The following DPCD variants were observed in gnomAD, a reference collection of about 807,000 sequenced individuals.
DPCD encodes deleted in primary ciliary dyskinesia homolog (mouse).
Under a neutral mutation model 26.4 loss-of-function variants are expected in DPCD, and 20 were observed. The ratio of observed to expected loss-of-function variants is 0.76; its 90% CI spans 0.53 to 1.10. The LOEUF is 1.10. DPCD is among the 50% of genes least tolerant of loss of function. The pLI is 0.00. For missense variants in DPCD, 202 were observed against 253.9 expected (o/e 0.80, Z 1.39); for synonymous variants, 97 against 94.2 (o/e 1.03, Z -0.17).
chr10:101,600,745 G>A lies in DPCD; in HGVS notation c.153G>A (p.Lys51=), dbSNP rs748269466. 3.1e-6 allele frequency: 5 copies of A among 1,612,968 alleles called. No homozygotes were observed. Among genetic ancestry groups the A allele is most frequent in the Non-Finnish European group, 4.2e-6 (5 of 1,179,582 alleles). The change falls in exon 3 of 6, where the codon AAG becomes AAA. Residue 51 remains lysine, a synonymous_variant. Coordinates refer to ENST00000370151, the MANE Select transcript of DPCD (RefSeq NM_015448.3). This position sits in a 1 kb window ranked among gnomAD's most constrained non-coding sequence, Gnocchi z 4.7. The stretch of plus-strand genomic sequence containing the variant: ...GCTTGCTTCTCTCCCCAGTGAGAAA[G>A]TGGCGTGTGAAAAGTGCCCTGGGAG... The part of the protein sequence containing the change: ...DEKTSELLVR[K]WRVKSALGAM...
intron 1 of DPCD, 38 bp from the exon 2 acceptor site, chr10:101,594,620 G>C (rs1193185846): frequency 6.2e-7 from 1 of 1,603,790 alleles, no homozygotes; most frequent in African/African-American, 1.3e-5. Flanking sequence ...AGGGCAAGGG[G>C]AGACTTTGAG....
Position 101,606,834 on chromosome 10 carries a change from G to C in DPCD, c.405-2001G>C, listed in dbSNP as rs1383591649. Among the ~76,000 whole-genome samples, 6 of 152,184 alleles carry C rather than the reference G, an allele frequency of 3.9e-5. No individual in the cohort carries two copies. The South Asian group carries it at 8.3e-4, about 21-fold the overall frequency. On this transcript the variant is annotated intron_variant, in intron 4 of 5. Coordinates refer to ENST00000370151, the MANE Select transcript of DPCD (RefSeq NM_015448.3). ...TGTCTGGGGGAATGGGTGTGAGAAG[G>C]GGGTGGGCTTCCCCAGGAGGAGAAA...
At chr10:101,588,764 G>T (rs1178709392) in intron 1 of DPCD, 2 of 818,738 alleles carry the variant, frequency 2.4e-6, no homozygotes, top group Non-Finnish European at 2.9e-6. Context: ...CTTTAGAGAG[G>T]AGAGAGGCCT....
chr10:101,606,481 TTTTC>T (rs963470623), intron 4 of DPCD, among the ~76,000 whole-genome samples: 3 of 151,920 alleles, frequency 2.0e-5, no homozygotes, highest in African/African-American at 7.3e-5. Context: ...TTCTTCATCC[TTTTC>T]TTTTAATTTT....
At position 101,602,294 on chromosome 10, in the gene DPCD, G is replaced by A. The variant is rs540233439; in HGVS notation, c.404+958G>A. On this transcript the variant is annotated intron_variant, in intron 4 of 5. Coordinates refer to ENST00000370151, the MANE Select transcript of DPCD (RefSeq NM_015448.3). ...CAGCTCCTTGTGCATCTCCTCAGGT[G>A]ATGTGGTGCCAGTCTCCCCTTCCAT... is the stretch of plus-strand genomic sequence containing the variant. 2.6e-5 allele frequency among the ~76,000 whole-genome samples: 4 copies of A among 152,328 alleles called. No homozygotes were observed. In the East Asian group the frequency reaches 7.7e-4, roughly 29 times the overall value.
chr10:101,600,661 C>G lies in DPCD; in HGVS notation c.146-77C>G. The G allele has an allele frequency of 6.5e-7, 1 of 1,540,920 alleles. No homozygotes were observed. On this transcript the variant is annotated intron_variant, in intron 2 of 5. Coordinates refer to ENST00000370151, the MANE Select transcript of DPCD (RefSeq NM_015448.3). This position sits in a 1 kb window ranked among gnomAD's most constrained non-coding sequence, Gnocchi z 4.7. ...ACCTAGTGTGGTGCCGGTGATTCAG[C>G]AGAAAAGAGCAGAGACCCTCTCTTC... is the stretch of plus-strand genomic sequence containing the variant.
intron 2 of DPCD, among the ~76,000 whole-genome samples, chr10:101,598,263 G>C (rs1368878550): frequency 2.0e-5 from 3 of 152,030 alleles, no homozygotes; most frequent in Non-Finnish European, 4.4e-5. Context: ...CCAGCCCTAG[G>C]TCGTGAGGTA....
At chr10:101,594,630 G>C (rs774728637) in intron 1 of DPCD, 28 bp from the exon 2 acceptor site, 1 of 1,610,760 alleles carries the variant, frequency 6.2e-7, no homozygotes, top group Non-Finnish European at 8.5e-7. Context: ...GAGACTTTGA[G>C]GTAAGGCATT....
chr10:101,606,125 T>G (rs1399174956), intron 4 of DPCD, among the ~76,000 whole-genome samples: 1 of 152,216 alleles, frequency 6.6e-6, no homozygotes, highest in Non-Finnish European at 1.5e-5. Flanking sequence ...GTTCATCTTT[T>G]AGCAGAAACA....
At chr10:101,601,129 G>A (rs369652740) in intron 3 of DPCD, 74 bp from the exon 4 acceptor site, 271 of 1,594,566 alleles carry the variant, frequency 1.7e-4, no homozygotes, top group South Asian at 4.3e-4. Flanking sequence ...GTTGTGCCCC[G>A]GGGTAGCGCT....
intron 1 of DPCD, among the ~76,000 whole-genome samples, chr10:101,592,882 C>G (rs1268834347): frequency 1.3e-5 from 2 of 150,624 alleles, no homozygotes; most frequent in East Asian, 3.9e-4. Flanking sequence ...GGTGTGGTAG[C>G]ATTCACCTGT....
intron 1 of DPCD, among the ~76,000 whole-genome samples, chr10:101,592,213 A>G (rs758039877): frequency 6.6e-6 from 1 of 152,194 alleles, no homozygotes; most frequent in Non-Finnish European, 1.5e-5. Context: ...GAAAGAAAAT[A>G]TATAGTTGGC....
intron 4 of DPCD, among the ~76,000 whole-genome samples, chr10:101,606,808 ATGTC>A (rs1243435441): frequency 6.6e-6 from 1 of 152,094 alleles, no homozygotes; most frequent in Non-Finnish European, 1.5e-5. Context: ...GAAAAACCCT[ATGTC>A]TGGGGGAATG....
At chr10:101,605,309 C>T in intron 4 of DPCD, 1 of 1,504,558 alleles carries the variant, frequency 6.6e-7, no homozygotes, top group Non-Finnish European at 8.9e-7. Flanking sequence ...GCCTCTGGTG[C>T]CCTTTTGGGT....
At position 101,608,036 on chromosome 10, in the gene DPCD, G is replaced by A. The variant is rs538884059; in HGVS notation, c.405-799G>A. Among the ~76,000 whole-genome samples, 67 of 152,202 alleles carry A rather than the reference G, an allele frequency of 4.4e-4. No individual in the cohort carries two copies. In the South Asian group the frequency reaches 0.01, roughly 24 times the overall value. The stretch of plus-strand genomic sequence containing the variant: ...TGAGCCCGAGTTCCCTTTTAGGTAA[G>A]GGGGGTCAAATTTCCTGCAAAGTCT... On this transcript the variant is annotated intron_variant, in intron 4 of 5. Coordinates refer to ENST00000370151, the MANE Select transcript of DPCD (RefSeq NM_015448.3).
chr10:101,594,625 T>A, intron 1 of DPCD, 33 bp from the exon 2 acceptor site: 1 of 1,609,616 alleles, frequency 6.2e-7, no homozygotes, highest in Non-Finnish European at 8.5e-7. Context: ...AAGGGGAGAC[T>A]TTGAGGTAAG....
chr10:101,604,115 A>G (rs1289896442), intron 4 of DPCD, among the ~76,000 whole-genome samples: 1 of 152,206 alleles, frequency 6.6e-6, no homozygotes, highest in Non-Finnish European at 1.5e-5. Flanking sequence ...CAAAAACTCA[A>G]TGGCTACTCC....
At chr10:101,591,393 C>T (rs2134752280) in intron 1 of DPCD, among the ~76,000 whole-genome samples, 1 of 152,230 alleles carries the variant, frequency 6.6e-6, no homozygotes, top group African/African-American at 2.4e-5. Flanking sequence ...TTAGTAGCAT[C>T]ACAAAATGAT....
chr10:101,605,026 C>A, intron 4 of DPCD: 1 of 1,456,066 alleles, frequency 6.9e-7, no homozygotes, highest in Non-Finnish European at 9.2e-7. Context: ...GGCCGAGAGC[C>A]TTTAGTATGT....
Sources: allele counts gnomAD v4.1 joint callset (sites outside exome capture counted in the v4.1 genomes callset), GRCh38; gene constraint gnomAD v4.1.1; non-coding constraint Gnocchi (gnomAD v3.1); transcripts MANE v1.5; gene names NCBI Gene and HGNC (gene_info 2026-07-23, HGNC 2026-07-21).